Variants in RMC1 observed in about 807,000 individuals in gnomAD.
RMC1 encodes the protein regulator of MON1-CCZ1, also known as regulator of MON1-CCZ1 complex.
A neutral mutation model predicts 95.5 loss-of-function variants in RMC1; 44 were observed. That is an observed-to-expected ratio of 0.46 (90% CI 0.36 to 0.59). RMC1 has a LOEUF of 0.59. Ranked by LOEUF, RMC1 falls within the 20% of genes least tolerant of loss-of-function variation. RMC1 has a pLI of 0.00. For missense variants in RMC1, 705 were observed against 819.6 expected (o/e 0.86, Z 1.71); for synonymous variants, 320 against 303.6 (o/e 1.05, Z -0.56).
At position 23,531,803 on chromosome 18, in the gene RMC1, A is replaced by G; in HGVS notation, c.*99A>G. ...TAAAATGTTATAAAGTGTATCTACA[A>G]CCTCAACTGTCACTAAAAATATGGT... On this transcript the variant is annotated 3_prime_UTR_variant, in exon 20 of 20. Transcript: ENST00000269221. 6.6e-7 allele frequency: 1 copy of G among 1,521,908 alleles called. No individual in the cohort carries two copies. Among genetic ancestry groups the G allele is most frequent in the East Asian group, 2.3e-5 (1 of 42,928 alleles). The allele number at this position is 1,521,908 out of a possible 1,614,324, so 94.3% of individuals were successfully genotyped here. A position where few individuals can be genotyped will look rare whatever the true frequency, so the allele number is the denominator to read the frequency against.
chr18:23,518,317 CCT>C (rs766109209), intron 7 of RMC1, among the ~76,000 whole-genome samples: 2 of 152,014 alleles, frequency 1.3e-5, no homozygotes, highest in Admixed American at 6.6e-5. Context: ...ATAGTGAGAC[CCT>C]GTTTCTACAA....
chr18:23,529,077 T>C (rs2058399618), intron 14 of RMC1, 102 bp from the exon 15 acceptor site: 3 of 1,504,976 alleles, frequency 2.0e-6, no homozygotes, highest in Admixed American at 2.2e-5. Context: ...TCCGCTCATA[T>C]CCTGGGTCCA....
chr18:23,518,623 G>A (rs1409464082), intron 7 of RMC1, among the ~76,000 whole-genome samples: 1 of 152,122 alleles, frequency 6.6e-6, no homozygotes, highest in East Asian at 1.9e-4. Flanking sequence ...TATTACATGT[G>A]TTTCTTTCCA....
chr18:23,526,283 C>T (rs886433470), intron 12 of RMC1, among the ~76,000 whole-genome samples: 3 of 152,194 alleles, frequency 2.0e-5, no homozygotes, highest in African/African-American at 7.2e-5. Flanking sequence ...CACGTGTTGA[C>T]ATCTTTTTCT....
At chr18:23,521,318 G>A (rs929545049) in intron 10 of RMC1, among the ~76,000 whole-genome samples, 1 of 152,238 alleles carries the variant, frequency 6.6e-6, no homozygotes, top group African/African-American at 2.4e-5. Flanking sequence ...CGTTGATGGT[G>A]AAATATGTTT....
intron 16 of RMC1, 30 bp downstream of exon 16, chr18:23,529,742 A>C: frequency 6.3e-7 from 1 of 1,577,644 alleles, no homozygotes; most frequent in Non-Finnish European, 8.7e-7. Flanking sequence ...GCCCAAGTTA[A>C]AACAGAAGGA....
intron 7 of RMC1, among the ~76,000 whole-genome samples, chr18:23,518,149 G>C (rs1368589711): frequency 1.3e-5 from 2 of 152,238 alleles, no homozygotes; most frequent in African/African-American, 4.8e-5. Flanking sequence ...CACTGGACTA[G>C]AATATGCATT....
rs890144324 is a variant in RMC1, at chr18:23,518,820, G to A, written c.654-70G>A. 1.3e-5 allele frequency: 18 copies of A among 1,377,626 alleles called. No individual in the cohort carries two copies. The Middle Eastern group carries it at 7.2e-4, about 55-fold the overall frequency. 85.3% of individuals were successfully genotyped at this position (1,377,626 alleles called of 1,614,324 possible). ...TGAATATCTTATAATTTACTTAACCGTGATGCCATTTAGAACAAAGGAATT... is the reference window on the plus strand; with the variant it reads ...TGAATATCTTATAATTTACTTAACCATGATGCCATTTAGAACAAAGGAATT... On this transcript the variant is annotated intron_variant, in intron 7 of 19. Transcript: ENST00000269221.
chr18:23,519,179 A>T lies in RMC1; in HGVS notation c.849+5A>T. 6.2e-7 allele frequency: 1 copy of T among 1,611,322 alleles called. No individual in the cohort carries two copies. The highest frequency in any genetic ancestry group is 1.7e-5 in the Admixed American group (1 of 59,990). On this transcript the variant is annotated splice_donor_5th_base_variant and intron_variant, in intron 9 of 19. Coordinates refer to ENST00000269221, the MANE Select transcript of RMC1 (RefSeq NM_013326.5). ...GTGCATCATCAGGATACAGAGGTACAAGCTGTCTGCGTTTCTACCAAAGTT... is the reference window on the plus strand; with the variant it reads ...GTGCATCATCAGGATACAGAGGTACTAGCTGTCTGCGTTTCTACCAAAGTT...
chr18:23,511,579 C>G (rs1385923787), intron 5 of RMC1, among the ~76,000 whole-genome samples: 1 of 151,856 alleles, frequency 6.6e-6, no homozygotes, highest in Non-Finnish European at 1.5e-5. Flanking sequence ...GTGCATATTC[C>G]TCTATTTTTA....
chr18:23,508,253 G>T (rs930942186), intron 4 of RMC1, among the ~76,000 whole-genome samples: 1 of 152,134 alleles, frequency 6.6e-6, no homozygotes, highest in Non-Finnish European at 1.5e-5. Flanking sequence ...GAGGGGGAGG[G>T]TTCAATGGAT....
rs776617809 is a variant in RMC1 at position 23,530,148 on chromosome 18, T to C, written c.1599+16T>C. 2 of 1,613,860 alleles carry C rather than the reference T, an allele frequency of 1.2e-6. No homozygotes were observed. The highest frequency in any genetic ancestry group is 1.7e-6 in the Non-Finnish European group (2 of 1,179,726). On this transcript the variant is annotated intron_variant, in intron 17 of 19. Transcript: ENST00000269221. The stretch of plus-strand genomic sequence containing the variant: ...CAAACCTTTGGTATGCATTGCCAGA[T>C]TTTTACTTCCATTGTGGTTAAAAAT...
chr18:23,509,831 T>G (rs1397997335), intron 5 of RMC1, among the ~76,000 whole-genome samples: 2 of 151,816 alleles, frequency 1.3e-5, no homozygotes, highest in East Asian at 3.9e-4. Flanking sequence ...AGTGCTGGGA[T>G]TACAGGCGTG....
Position 23,530,317 on chromosome 18 carries a change from T to G in RMC1, c.1668+20T>G. The G allele has an allele frequency of 6.2e-7, 1 of 1,614,094 alleles. No individual in the cohort carries two copies. ...CTGAAGGTAACTCTGATGTGTGAGG[T>G]TTTAGACTATGGAAACTAACTCTGT... On this transcript the variant is annotated intron_variant, in intron 18 of 19. Coordinates refer to ENST00000269221, the MANE Select transcript of RMC1 (RefSeq NM_013326.5).
At position 23,513,479 on chromosome 18, in the gene RMC1, A is replaced by G. The variant is rs541883562; in HGVS notation, c.409-2377A>G. Among the ~76,000 whole-genome samples, 9 of 152,340 alleles carry G rather than the reference A, an allele frequency of 5.9e-5. No individual in the cohort carries two copies. The South Asian group carries it at 8.3e-4, about 14-fold the overall frequency. On this transcript the variant is annotated intron_variant, in intron 5 of 19. Transcript: ENST00000269221. ...TTTGGGTTGCTTCTGCCTCTTGGCC[A>G]TTGTGAATAGTGCTGCTGTCAATAC...
At chr18:23,510,869 T>G (rs2057837092) in intron 5 of RMC1, among the ~76,000 whole-genome samples, 1 of 152,222 alleles carries the variant, frequency 6.6e-6, no homozygotes, top group Non-Finnish European at 1.5e-5. Context: ...CCTTATGCAC[T>G]ATTGCTGGGA....
At chr18:23,516,714 A>G (rs1211094078) in intron 7 of RMC1, among the ~76,000 whole-genome samples, 2 of 138,174 alleles carry the variant, frequency 1.4e-5, no homozygotes, top group African/African-American at 5.4e-5. Context: ...TCTTTGTTTT[A>G]GAATTTCTTC....
At chr18:23,524,941 CTTTT>C (rs5823396) in intron 12 of RMC1, among the ~76,000 whole-genome samples, 111 of 69,206 alleles carry the variant, frequency 1.6e-3, no homozygotes, top group Non-Finnish European at 2.5e-3. Flanking sequence ...TTAGAGAAAT[CTTTT>C]TTTTTTTTTT....
intron 16 of RMC1, 120 bp from the exon 17 acceptor site, chr18:23,529,908 A>G: frequency 9.0e-7 from 1 of 1,112,874 alleles, no homozygotes; most frequent in South Asian, 1.4e-5. Context: ...TGACGAAACC[A>G]CTTCTTGTAA....
Sources: allele counts gnomAD v4.1 joint callset (sites outside exome capture counted in the v4.1 genomes callset), GRCh38; gene constraint gnomAD v4.1.1; transcripts MANE v1.5; gene names NCBI Gene and HGNC (gene_info 2026-07-23, HGNC 2026-07-21).